RPS6KC1: variants seen among roughly 807,000 people sequenced by gnomAD.
RPS6KC1 encodes the protein ribosomal protein S6 kinase C1, also known as inactive ribosomal protein S6 kinase delta-1.
RPS6KC1 carries 54 observed loss-of-function variants against 103.8 expected under a neutral mutation model. The observed-to-expected ratio is 0.52, with a 90% CI of 0.42 to 0.65. RPS6KC1 has a LOEUF of 0.65. Ranked by LOEUF, RPS6KC1 falls within the 30% of genes least tolerant of loss-of-function variation. RPS6KC1 has a pLI of 0.00. For missense variants in RPS6KC1, 1,151 were observed against 1,253.8 expected (o/e 0.92, Z 1.24); for synonymous variants, 439 against 438.7 (o/e 1.00, Z -0.01).
chr1:213,335,872 C>A, the RPS6KC1 span, among the ~76,000 whole-genome samples: 1 of 152,168 alleles, frequency 6.6e-6, no homozygotes, highest in East Asian at 1.9e-4. Context: ...TATTCATCCA[C>A]TGAATTAGAG....
At chr1:213,332,399 C>T in the RPS6KC1 span, among the ~76,000 whole-genome samples, 1 of 152,154 alleles carries the variant, frequency 6.6e-6, no homozygotes, top group African/African-American at 2.4e-5. Context: ...GTTGATACAG[C>T]GATCCAATCA....
At chr1:213,841,560 T>C in the RPS6KC1 span, among the ~76,000 whole-genome samples, 1 of 152,296 alleles carries the variant, frequency 6.6e-6, no homozygotes, top group South Asian at 2.1e-4. Flanking sequence ...TACTATTCAT[T>C]TGAGGAAACT....
chr1:213,608,376 C>T, the RPS6KC1 span, among the ~76,000 whole-genome samples: 1 of 152,168 alleles, frequency 6.6e-6, no homozygotes, highest in South Asian at 2.1e-4. Flanking sequence ...CCTGGTGGCC[C>T]CCTAAAGAGG....
the RPS6KC1 span, among the ~76,000 whole-genome samples, chr1:213,718,009 A>G: frequency 6.6e-6 from 1 of 152,200 alleles, no homozygotes. Context: ...GATGCATATG[A>G]AAAGGGAAAA....
the RPS6KC1 span, among the ~76,000 whole-genome samples, chr1:213,290,944 C>A: frequency 6.6e-6 from 1 of 152,180 alleles, no homozygotes; most frequent in Admixed American, 6.5e-5. Flanking sequence ...CTGCAAATGG[C>A]AGTGTTTACC....
the RPS6KC1 span, among the ~76,000 whole-genome samples, chr1:213,809,036 A>G: frequency 6.6e-6 from 1 of 152,230 alleles, no homozygotes; most frequent in Non-Finnish European, 1.5e-5. Flanking sequence ...GTTTGGTGCA[A>G]GAGACTTAGC....
At chr1:213,345,050 G>A in the RPS6KC1 span, among the ~76,000 whole-genome samples, 2 of 152,118 alleles carry the variant, frequency 1.3e-5, no homozygotes, top group East Asian at 1.9e-4. Context: ...TAATGACAGA[G>A]GGTCATATAT....
chr1:213,710,458 A>T, the RPS6KC1 span, among the ~76,000 whole-genome samples: 4 of 151,696 alleles, frequency 2.6e-5, no homozygotes, highest in East Asian at 7.8e-4. Context: ...ACAGGTCTTG[A>T]CTCTTTATCC....
chr1:213,171,500 A>G (rs956356349), intron 7 of RPS6KC1, among the ~76,000 whole-genome samples: 36 of 152,326 alleles, frequency 2.4e-4, no homozygotes, highest in Non-Finnish European at 4.7e-4. Flanking sequence ...TTAGAAAAAG[A>G]CAATAAATGA....
At chr1:213,221,274 C>T (rs538958351) in intron 8 of RPS6KC1, among the ~76,000 whole-genome samples, 11 of 151,944 alleles carry the variant, frequency 7.2e-5, no homozygotes, top group African/African-American at 2.7e-4. Flanking sequence ...TTTTGTTCAG[C>T]CATTGGAGTC....
the RPS6KC1 span, among the ~76,000 whole-genome samples, chr1:213,661,381 G>A: frequency 3.8e-4 from 58 of 152,268 alleles, no homozygotes; most frequent in East Asian, 6.4e-3. Flanking sequence ...GGGGTGGAAC[G>A]GGCTGGGCGA....
chr1:213,256,858 C>T (rs1390563842), intron 12 of RPS6KC1, among the ~76,000 whole-genome samples: 1 of 152,172 alleles, frequency 6.6e-6, no homozygotes, highest in African/African-American at 2.4e-5. Context: ...ATACAGGAAT[C>T]CACCTTGTCT....
chr1:213,377,954 C>T, the RPS6KC1 span, among the ~76,000 whole-genome samples: 4 of 152,134 alleles, frequency 2.6e-5, no homozygotes, highest in African/African-American at 7.2e-5. Flanking sequence ...TACTTTGACA[C>T]GATATAGGGA....
chr1:213,297,768 G>C, the RPS6KC1 span, among the ~76,000 whole-genome samples: 1 of 152,124 alleles, frequency 6.6e-6, no homozygotes, highest in Non-Finnish European at 1.5e-5. Flanking sequence ...GTACCACCAC[G>C]CTAAGCTAAT....
chr1:213,668,478 G>A, the RPS6KC1 span, among the ~76,000 whole-genome samples: 35 of 141,794 alleles, frequency 2.5e-4, no homozygotes, highest in Middle Eastern at 3.9e-3. Flanking sequence ...CTGTAGACAG[G>A]TATGCTGTCA....
In RPS6KC1 at chr1:213,161,699, A is replaced by G. The variant is rs114511408; in HGVS notation, c.836-6159A>G. Among the ~76,000 whole-genome samples, 15 of 152,322 alleles carry G rather than the reference A, an allele frequency of 9.8e-5. No individual in the cohort carries two copies. The East Asian group carries it at 1.7e-3, about 18-fold the overall frequency. The stretch of plus-strand genomic sequence containing the variant: ...TTTGAAAAAAGATGAAATGGAGTCT[A>G]TTCTGATTCTGATGTATTAATACAC... On this transcript the variant is annotated intron_variant, in intron 6 of 14. Coordinates refer to ENST00000366960, the MANE Select transcript of RPS6KC1 (RefSeq NM_012424.6).
At chr1:213,436,914 ATTTG>A in the RPS6KC1 span, among the ~76,000 whole-genome samples, 6 of 152,040 alleles carry the variant, frequency 3.9e-5, no homozygotes, top group Non-Finnish European at 5.9e-5. Context: ...TATTTTTGGA[ATTTG>A]TTTGTAACCA....
At chr1:213,829,268 CAAAAAAA>C in the RPS6KC1 span, among the ~76,000 whole-genome samples, 1 of 114,378 alleles carries the variant, frequency 8.7e-6, no homozygotes, top group Non-Finnish European at 1.7e-5. Context: ...TCGTTTGTTT[CAAAAAAA>C]AAAAAAAAAA....
chr1:213,609,435 C>A, the RPS6KC1 span, among the ~76,000 whole-genome samples: 3 of 152,130 alleles, frequency 2.0e-5, no homozygotes, highest in Admixed American at 6.5e-5. Flanking sequence ...GGCACTCAGT[C>A]CCATGTACCA....
Sources: gnomAD v4.1 joint callset for allele counts (sites outside exome capture counted in the v4.1 genomes callset) on GRCh38, gnomAD v4.1.1 for gene constraint, MANE v1.5 for transcripts, NCBI Gene and HGNC (gene_info 2026-07-23, HGNC 2026-07-21) for gene names.